Variants in BAIAP2L1 observed in about 807,000 individuals in gnomAD.
The protein encoded by BAIAP2L1 is BAR/IMD domain-containing adapter protein 2-like 1.
BAIAP2L1 carries 35 observed loss-of-function variants against 66.3 expected under a neutral mutation model. The ratio of observed to expected loss-of-function variants is 0.53; its 90% CI spans 0.40 to 0.70. The LOEUF is 0.70. Ranked by LOEUF, BAIAP2L1 falls within the 30% of genes least tolerant of loss-of-function variation. The probability of loss-of-function intolerance (pLI) is 0.00; values close to 1 mark genes in which losing one functional copy is unlikely to be tolerated. For synonymous variants in BAIAP2L1, 269 were observed against 248.7 expected, an observed-to-expected ratio of 1.08 and a Z score of -0.77; for missense variants, 622 against 656.9, an observed-to-expected ratio of 0.95 and a Z score of 0.58.
chr7:98,397,765 A>AT (rs1193393876), intron 1 of BAIAP2L1, among the ~76,000 whole-genome samples: 1 of 152,190 alleles, frequency 6.6e-6, no homozygotes, highest in Admixed American at 6.5e-5. Flanking sequence ...TTGAGGGCAA[A>AT]TTATGGGCAT....
At chr7:98,367,517 C>G (rs185661519) in intron 1 of BAIAP2L1, among the ~76,000 whole-genome samples, 3 of 148,212 alleles carry the variant, frequency 2.0e-5, no homozygotes, top group Non-Finnish European at 4.5e-5. Flanking sequence ...ATTATAGGCG[C>G]GCACCACCAC....
chr7:98,302,920 G>T (rs985300547), intron 12 of BAIAP2L1, among the ~76,000 whole-genome samples: 3 of 152,122 alleles, frequency 2.0e-5, no homozygotes, highest in Non-Finnish European at 1.5e-5. Context: ...GAACAGCTGG[G>T]ACTACAGACA....
chr7:98,401,073 G>A lies in BAIAP2L1; in HGVS notation c.-221C>T, dbSNP rs1182786557. 1.3e-5 allele frequency: 5 copies of A among 380,704 alleles called. No homozygotes were observed. Among genetic ancestry groups the A allele is most frequent in the Non-Finnish European group, 2.3e-5 (5 of 219,468 alleles). The allele number at this position is 380,704 out of a possible 1,614,324, so 23.6% of individuals were successfully genotyped here. A position where few individuals can be genotyped will look rare whatever the true frequency, so the allele number is the denominator to read the frequency against. Reference sequence around the variant, plus strand: ...CTTCTTCGAGGAGCAGAGGAGAAGCGGCCGGACGCCGCCAGAGGAAGCTGG... The same window carrying A: ...CTTCTTCGAGGAGCAGAGGAGAAGCAGCCGGACGCCGCCAGAGGAAGCTGG... On this transcript the variant is annotated 5_prime_UTR_variant, in exon 1 of 14. Transcript: ENST00000005260.
chr7:98,381,672 C>T (rs1230110570), intron 1 of BAIAP2L1, among the ~76,000 whole-genome samples: 1 of 152,194 alleles, frequency 6.6e-6, no homozygotes, highest in Non-Finnish European at 1.5e-5. Flanking sequence ...AATCACGTTG[C>T]TGTGACCTTT....
chr7:98,294,046 T>A (rs776358441), intron 13 of BAIAP2L1, 28 bp downstream of exon 13: 5 of 1,612,032 alleles, frequency 3.1e-6, no homozygotes, highest in Admixed American at 3.3e-5. Context: ...TGTCACACAC[T>A]GAGGCTCACG....
intron 3 of BAIAP2L1, among the ~76,000 whole-genome samples, chr7:98,343,166 G>C (rs374496110): frequency 2.0e-5 from 3 of 151,688 alleles, no homozygotes; most frequent in African/African-American, 7.3e-5. Flanking sequence ...GGGAGGCTGA[G>C]GTGGGTGGAA....
chr7:98,295,963 C>T (rs1222211068), intron 12 of BAIAP2L1, among the ~76,000 whole-genome samples: 1 of 152,202 alleles, frequency 6.6e-6, no homozygotes, highest in Non-Finnish European at 1.5e-5. Context: ...TGGGGCCCAA[C>T]AATCCTGCTC....
At chr7:98,381,680 TTTCA>T (rs1802762711) in intron 1 of BAIAP2L1, among the ~76,000 whole-genome samples, 1 of 152,198 alleles carries the variant, frequency 6.6e-6, no homozygotes, top group South Asian at 2.1e-4. Flanking sequence ...TGCTGTGACC[TTTCA>T]TTCAGTTGCT....
chr7:98,297,573 C>G (rs1800243817), intron 12 of BAIAP2L1, among the ~76,000 whole-genome samples: 1 of 152,218 alleles, frequency 6.6e-6, no homozygotes, highest in East Asian at 1.9e-4. Context: ...TGACACCTGT[C>G]TTCAGTGTGA....
At chr7:98,352,964 T>C (rs1802032928) in intron 3 of BAIAP2L1, among the ~76,000 whole-genome samples, 1 of 152,108 alleles carries the variant, frequency 6.6e-6, no homozygotes, top group East Asian at 1.9e-4. Context: ...CAATAGGATG[T>C]TTCTTTTTAT....
In BAIAP2L1 at chr7:98,293,386, T is replaced by G. The variant is rs2116768646; in HGVS notation, c.*135A>C. On this transcript the variant is annotated 3_prime_UTR_variant, in exon 14 of 14. Transcript: ENST00000005260. ...AACTACGTGAAACAGAGAAGCATGA[T>G]TTGCTTAAGCAGGCGACATTAGAGT... 1.3e-6 allele frequency: 1 copy of G among 783,906 alleles called. No homozygotes were observed. The highest frequency in any genetic ancestry group is 1.7e-5 in the South Asian group (1 of 57,586). The allele number at this position is 783,906 out of a possible 1,614,324, so 48.6% of individuals were successfully genotyped here.
At chr7:98,380,230 A>C (rs1288147610) in intron 1 of BAIAP2L1, among the ~76,000 whole-genome samples, 2 of 151,988 alleles carry the variant, frequency 1.3e-5, no homozygotes, top group African/African-American at 2.4e-5. Context: ...GGTACGCACC[A>C]ACACACCCAC....
chr7:98,330,803 G>T (rs1801478699), intron 3 of BAIAP2L1, among the ~76,000 whole-genome samples: 2 of 151,340 alleles, frequency 1.3e-5, no homozygotes, highest in African/African-American at 4.8e-5. Flanking sequence ...GTCACATGGT[G>T]TGAGAGGGAG....
At chr7:98,374,387 C>T (rs1449201944) in intron 1 of BAIAP2L1, among the ~76,000 whole-genome samples, 1 of 152,100 alleles carries the variant, frequency 6.6e-6, no homozygotes, top group African/African-American at 2.4e-5. Flanking sequence ...TGTTATTAAT[C>T]CCACTTGATA....
At chr7:98,352,021 C>T (rs954384278) in intron 3 of BAIAP2L1, among the ~76,000 whole-genome samples, 14 of 151,766 alleles carry the variant, frequency 9.2e-5, no homozygotes, top group African/African-American at 2.2e-4. Flanking sequence ...AATACCAAAA[C>T]GGAGTAACTA....
At chr7:98,363,312 G>A (rs1802317417) in intron 1 of BAIAP2L1, among the ~76,000 whole-genome samples, 1 of 152,048 alleles carries the variant, frequency 6.6e-6, no homozygotes, top group South Asian at 2.1e-4. Flanking sequence ...TGGGATTACA[G>A]GCACGAGCCA....
intron 1 of BAIAP2L1, among the ~76,000 whole-genome samples, chr7:98,376,794 C>T (rs1269911978): frequency 6.6e-6 from 1 of 151,956 alleles, no homozygotes; most frequent in Middle Eastern, 3.2e-3. Flanking sequence ...ATTATGCCAT[C>T]GCACTCCAGC....
At chr7:98,317,470 C>A in intron 5 of BAIAP2L1, 114 bp from the exon 6 acceptor site, 1 of 1,339,840 alleles carries the variant, frequency 7.5e-7, no homozygotes, top group Admixed American at 1.9e-5. Flanking sequence ...GACACCCTCA[C>A]TTCACACCAT....
At chr7:98,380,344 A>C (rs552956777) in intron 1 of BAIAP2L1, among the ~76,000 whole-genome samples, 1 of 152,100 alleles carries the variant, frequency 6.6e-6, no homozygotes, top group African/African-American at 2.4e-5. Context: ...TGGGAAGAAA[A>C]AGAGGTTTCA....
Sources: allele counts gnomAD v4.1 joint callset (sites outside exome capture counted in the v4.1 genomes callset), GRCh38; gene constraint gnomAD v4.1.1; transcripts MANE v1.5; gene names NCBI Gene and HGNC (gene_info 2026-07-23, HGNC 2026-07-21).